The following TGIF1 variants were observed in gnomAD, a reference collection of about 807,000 sequenced individuals.
The protein encoded by TGIF1 is TGFB induced factor homeobox 1.
Under a neutral mutation model 19.3 loss-of-function variants are expected in TGIF1, and 4 were observed. The observed-to-expected ratio is 0.21, with a 90% CI of 0.10 to 0.47. The LOEUF is 0.47. Among genes scored for constraint, TGIF1 ranks in the 20% least tolerant of loss-of-function variants. The pLI is 0.98. For synonymous variants in TGIF1, 122 were observed against 129.3 expected (o/e 0.94, Z 0.38); for missense variants, 275 against 341.4 (o/e 0.81, Z 1.53).
At chr18:3,452,980 C>T (rs2238536) in intron 1 of TGIF1, among the ~76,000 whole-genome samples, 7,551 of 152,172 alleles carry the variant, frequency 0.05, 279 homozygotes, top group East Asian at 0.16. Flanking sequence ...CTTTTTGCTC[C>T]CAGTTTTTAA....
chr18:3,447,871 TCTC>T (rs2082772193), upstream of TGIF1: 5 of 1,582,560 alleles, frequency 3.2e-6, no homozygotes, highest in South Asian at 2.2e-5. Flanking sequence ...CCTCCCCCCT[TCTC>T]CTGGAAAGTT....
chr18:3,446,569 G>A (rs747812881), upstream of TGIF1, among the ~76,000 whole-genome samples: 5 of 152,180 alleles, frequency 3.3e-5, no homozygotes, highest in Non-Finnish European at 7.3e-5. Flanking sequence ...AAGGAGGGCC[G>A]GGAAGGGAAG....
At chr18:3,452,505 A>G in intron 1 of TGIF1, 3 of 1,437,196 alleles carry the variant, frequency 2.1e-6, no homozygotes, top group Non-Finnish European at 1.9e-6. Flanking sequence ...TGGGGTGGGC[A>G]GGCCTCTGAG....
Position 3,439,526 on chromosome 18 carries a change from A to G in TGIF1, c.-44-16828A>G, listed in dbSNP as rs148146176. Among the ~76,000 whole-genome samples, 99 of 152,120 alleles carry G rather than the reference A, an allele frequency of 6.5e-4. 1 individual carries two copies. In the East Asian group the frequency reaches 0.011, roughly 17 times the overall value. Reference sequence around the variant, plus strand: ...GCTTGGCTAATTTTGTATTTTTAGTAGAGATGGGATTTCTCCATTTTGGTC... The same window carrying G: ...GCTTGGCTAATTTTGTATTTTTAGTGGAGATGGGATTTCTCCATTTTGGTC... On this transcript the variant is annotated intron_variant, in intron 2 of 3. Coordinates refer to the TGIF1 transcript ENST00000401449.
chr18:3,433,052 C>T (rs978542348), intron 2 of TGIF1, among the ~76,000 whole-genome samples: 1 of 151,870 alleles, frequency 6.6e-6, no homozygotes, highest in Non-Finnish European at 1.5e-5. Flanking sequence ...AGCCACTGCG[C>T]CTGGCCTTCT....
At chr18:3,454,240 A>AT (rs1187371876) in intron 1 of TGIF1, among the ~76,000 whole-genome samples, 1 of 152,222 alleles carries the variant, frequency 6.6e-6, no homozygotes, top group Non-Finnish European at 1.5e-5. Context: ...CTATTCTGAA[A>AT]GATCAGGCTT....
Position 3,457,157 on chromosome 18 carries a change from A to G in TGIF1, c.244-208A>G. 6.3e-6 allele frequency: 4 copies of G among 635,700 alleles called. No homozygotes were observed. Among genetic ancestry groups the G allele is most frequent in the South Asian group, 2.0e-5 (1 of 50,306 alleles). 39.4% of individuals were successfully genotyped at this position (635,700 alleles called of 1,614,324 possible). On this transcript the variant is annotated intron_variant, in intron 2 of 2. Coordinates refer to ENST00000343820, the MANE Select transcript of TGIF1 (RefSeq NM_003244.4). The surrounding 1 kb of genome is among the most constrained non-coding windows in gnomAD (Gnocchi z 4.9). Reference sequence around the variant, plus strand: ...TGAAGAGACAAAAAAGGAAATTTGTATTAGAAACTAGAAGGCTTATGACAG... The same window carrying G: ...TGAAGAGACAAAAAAGGAAATTTGTGTTAGAAACTAGAAGGCTTATGACAG...
intron 2 of TGIF1, among the ~76,000 whole-genome samples, chr18:3,434,960 G>A (rs1023059240): frequency 6.6e-6 from 1 of 152,102 alleles, no homozygotes; most frequent in Non-Finnish European, 1.5e-5. Flanking sequence ...GCATGGACCT[G>A]GCCTGAAGTG....
Position 3,457,031 on chromosome 18 carries a change from A to C in TGIF1, c.244-334A>C. ...CTTAAATGTTGGGGCAGTAGGTGAT[A>C]GGTTAAAATGGGGAGAGTTAAAAAG... On this transcript the variant is annotated intron_variant, in intron 2 of 2. Coordinates refer to ENST00000343820, the MANE Select transcript of TGIF1 (RefSeq NM_003244.4). The surrounding 1 kb of genome is among the most constrained non-coding windows in gnomAD (Gnocchi z 4.9). 1 of 553,368 alleles carries C rather than the reference A, an allele frequency of 1.8e-6. No homozygotes were observed. The highest frequency in any genetic ancestry group is 3.2e-6 in the Non-Finnish European group (1 of 313,540). 34.3% of individuals were successfully genotyped at this position (553,368 alleles called of 1,614,324 possible).
intron 2 of TGIF1, among the ~76,000 whole-genome samples, chr18:3,431,724 C>A (rs1194207377): frequency 6.6e-6 from 1 of 152,106 alleles, no homozygotes; most frequent in Non-Finnish European, 1.5e-5. Flanking sequence ...ATTATTATTT[C>A]AGATGGAGAG....
intron 2 of TGIF1, among the ~76,000 whole-genome samples, chr18:3,436,675 C>T (rs965802977): frequency 1.3e-5 from 2 of 151,210 alleles, no homozygotes; most frequent in Non-Finnish European, 1.5e-5. Context: ...AAAAATTAGC[C>T]GGTTGTGGTG....
Position 3,457,602 on chromosome 18 carries a change from T to C in TGIF1, c.481T>C (p.Ser161Pro), listed in dbSNP as rs2049400619. 1 of 1,614,206 alleles carries C rather than the reference T, an allele frequency of 6.2e-7. No homozygotes were observed. The highest frequency in any genetic ancestry group is 1.6e-4 in the Middle Eastern group (1 of 6,062). The change falls in exon 3 of 3, where the codon TCA becomes CCA. Residue 161 changes from serine (S) to proline (P), a missense_variant. By Grantham distance (74) the Ser-to-Pro change is moderately conservative (BLOSUM62 -1). Coordinates refer to ENST00000343820, the MANE Select transcript of TGIF1 (RefSeq NM_003244.4). This position sits in a 1 kb window ranked among gnomAD's most constrained non-coding sequence, Gnocchi z 4.9. ...TLGRPLSPKP[S>P]SPGSVLARPS... ...AGGGAGGCCACTGTCTCCTAAGCCG[T>C]CATCCCCGGGATCAGTTTTGGCTCG...
Position 3,451,989 on chromosome 18 carries a change from G to C in TGIF1, c.16+1484G>C. The C allele has an allele frequency of 6.3e-7, 1 of 1,596,734 alleles. No homozygotes were observed. The highest frequency in any genetic ancestry group is 8.5e-7 in the Non-Finnish European group (1 of 1,170,796). On this transcript the variant is annotated intron_variant, in intron 1 of 2. Transcript: ENST00000343820. This position sits in a 1 kb window ranked among gnomAD's most constrained non-coding sequence, Gnocchi z 5.4. ...GCTCTGTGTTTCGAGGATGGTTCTA[G>C]CGCAGAGCCGGGTGTCTGCCGGGGT...
chr18:3,433,421 C>A (rs2082576151), intron 2 of TGIF1, among the ~76,000 whole-genome samples: 1 of 152,140 alleles, frequency 6.6e-6, no homozygotes, highest in Admixed American at 6.6e-5. Context: ...TTAAAAATTA[C>A]AAGACGAAAG....
chr18:3,419,862 T>G (rs932409733), intron 2 of TGIF1, among the ~76,000 whole-genome samples: 1 of 151,992 alleles, frequency 6.6e-6, no homozygotes, highest in Non-Finnish European at 1.5e-5. Flanking sequence ...AAAAATTAGC[T>G]GGGCATGGTG....
intron 1 of TGIF1, chr18:3,452,466 C>G: frequency 1.3e-6 from 2 of 1,592,044 alleles, no homozygotes; most frequent in Non-Finnish European, 1.7e-6. Flanking sequence ...GGGTTTCTTT[C>G]CCCTTTTAGG....
At chr18:3,452,509 C>T in intron 1 of TGIF1, 1 of 1,405,012 alleles carries the variant, frequency 7.1e-7, no homozygotes, top group Non-Finnish European at 9.8e-7. Flanking sequence ...GTGGGCAGGC[C>T]TCTGAGAAGG....
chr18:3,452,026 A>G (rs762287108), intron 1 of TGIF1: 4 of 1,610,908 alleles, frequency 2.5e-6, no homozygotes, highest in Non-Finnish European at 3.4e-6. Flanking sequence ...GGCTCCCCGC[A>G]TTGTTCGGGC....
chr18:3,452,805 C>A (rs759434152), intron 1 of TGIF1, among the ~76,000 whole-genome samples: 1 of 152,170 alleles, frequency 6.6e-6, no homozygotes, highest in Non-Finnish European at 1.5e-5. Flanking sequence ...CAAATCTTTT[C>A]AAGTTTTCTT....
Sources: gnomAD v4.1 joint callset for allele counts (sites outside exome capture counted in the v4.1 genomes callset) on GRCh38, gnomAD v4.1.1 for gene constraint, Gnocchi (gnomAD v3.1) non-coding constraint, MANE v1.5 for transcripts, NCBI Gene and HGNC (gene_info 2026-07-23, HGNC 2026-07-21) for gene names.